CDK7: variants seen among roughly 807,000 people sequenced by gnomAD.
CDK7 encodes cyclin-dependent kinase 7.
CDK7 carries 25 observed loss-of-function variants against 49.1 expected under a neutral mutation model. That is an observed-to-expected ratio of 0.51 (90% confidence interval 0.37 to 0.71). CDK7 has a LOEUF of 0.71. Ranked by LOEUF, CDK7 falls within the 30% of genes least tolerant of loss-of-function variation. CDK7 has a pLI of 0.00. For synonymous variants in CDK7, 107 were observed against 140.0 expected (o/e 0.76, Z 1.67); for missense variants, 316 against 411.7 (o/e 0.77, Z 2.01).
Position 69,266,586 on chromosome 5 carries a change from G to A in CDK7, c.628-2621G>A, listed in dbSNP as rs183391794. The stretch of plus-strand genomic sequence containing the variant: ...TAAGATTCAACACAGGAAAAAGGCA[G>A]TTCAAATTCTCATTTAATAGTGAAG... On this transcript the variant is annotated intron_variant, in intron 8 of 11. Coordinates refer to ENST00000256443, the MANE Select transcript of CDK7 (RefSeq NM_001799.4). Among the ~76,000 whole-genome samples, 200 of 152,142 alleles carry A rather than the reference G, an allele frequency of 1.3e-3. 3 individuals are homozygous for A. Among genetic ancestry groups the A allele is most frequent in the Admixed American group, 0.012 (178 of 15,264 alleles).
chr5:69,261,163 A>G (rs749141855), intron 7 of CDK7, among the ~76,000 whole-genome samples: 5 of 152,116 alleles, frequency 3.3e-5, no homozygotes, highest in Non-Finnish European at 7.4e-5. Context: ...TTCCAAATAG[A>G]TGTCACTGAG....
At chr5:69,255,882 G>T in intron 5 of CDK7, 1 of 226,724 alleles carries the variant, frequency 4.4e-6, no homozygotes, top group Non-Finnish European at 8.9e-6. Context: ...GGAGTGCAAT[G>T]GCGTGATCTC....
At chr5:69,235,563 A>G (rs1321018680) in intron 2 of CDK7, 110 bp downstream of exon 2, 1 of 764,004 alleles carries the variant, frequency 1.3e-6, no homozygotes, top group Admixed American at 2.4e-5. Flanking sequence ...TGAGTTACTC[A>G]TGTCATTTTC....
At chr5:69,255,303 A>T (rs1580303803) in intron 4 of CDK7, among the ~76,000 whole-genome samples, 157 bp from the exon 5 acceptor site, 1 of 152,226 alleles carries the variant, frequency 6.6e-6, no homozygotes, top group African/African-American at 2.4e-5. Context: ...AGTACTGTCC[A>T]AAAAAGGACA....
chr5:69,274,452 T>C (rs1211208983), intron 10 of CDK7, among the ~76,000 whole-genome samples: 1 of 151,996 alleles, frequency 6.6e-6, no homozygotes, highest in African/African-American at 2.4e-5. Flanking sequence ...CTGGGCAACA[T>C]GACAAAACAT....
chr5:69,260,782 G>A (rs938772639), intron 7 of CDK7, among the ~76,000 whole-genome samples: 10 of 152,210 alleles, frequency 6.6e-5, no homozygotes, highest in South Asian at 4.1e-4. Flanking sequence ...TTCCAAGACC[G>A]TTTTAAGGAT....
intron 8 of CDK7, among the ~76,000 whole-genome samples, chr5:69,268,048 A>G (rs1045114841): frequency 6.6e-6 from 1 of 152,070 alleles, no homozygotes; most frequent in Non-Finnish European, 1.5e-5. Context: ...TGCAGCCTCC[A>G]TCTCCCAGTT....
At chr5:69,260,632 CAG>C (rs60290841) in intron 7 of CDK7, among the ~76,000 whole-genome samples, 161 of 152,204 alleles carry the variant, frequency 1.1e-3, no homozygotes, top group African/African-American at 3.7e-3. Context: ...ATTCTCTAAA[CAG>C]AGCAATGTCT....
At chr5:69,236,814 G>C (rs1056152121) in intron 2 of CDK7, among the ~76,000 whole-genome samples, 1 of 151,670 alleles carries the variant, frequency 6.6e-6, no homozygotes, top group Non-Finnish European at 1.5e-5. Flanking sequence ...ACCACGCCCA[G>C]CTAATATTTG....
intron 2 of CDK7, among the ~76,000 whole-genome samples, chr5:69,245,168 T>G (rs1749654344): frequency 6.6e-6 from 1 of 152,060 alleles, no homozygotes; most frequent in Admixed American, 6.6e-5. Context: ...CTGATTTTGG[T>G]ATCAGGGTAA....
At chr5:69,274,453 G>A (rs1190564553) in intron 10 of CDK7, among the ~76,000 whole-genome samples, 2 of 152,090 alleles carry the variant, frequency 1.3e-5, no homozygotes, top group Non-Finnish European at 2.9e-5. Flanking sequence ...TGGGCAACAT[G>A]ACAAAACATC....
At chr5:69,237,781 GTC>G (rs1749101440) in intron 2 of CDK7, among the ~76,000 whole-genome samples, 1 of 151,962 alleles carries the variant, frequency 6.6e-6, no homozygotes, top group African/African-American at 2.4e-5. Context: ...CGAAACCCCT[GTC>G]TCTACTAAAA....
intron 8 of CDK7, among the ~76,000 whole-genome samples, chr5:69,266,477 T>C (rs926992481): frequency 2.0e-4 from 31 of 152,038 alleles, no homozygotes; most frequent in African/African-American, 6.0e-4. Flanking sequence ...TAATCCCAGC[T>C]ACTCGGGAAG....
At chr5:69,246,100 G>T (rs182350665) in intron 2 of CDK7, among the ~76,000 whole-genome samples, 1 of 152,132 alleles carries the variant, frequency 6.6e-6, no homozygotes, top group Admixed American at 6.6e-5. Context: ...TGGCAGGAGA[G>T]ATTTTTTTTT....
intron 2 of CDK7, among the ~76,000 whole-genome samples, chr5:69,249,623 G>C (rs1750007227): frequency 6.6e-6 from 1 of 152,128 alleles, no homozygotes; most frequent in African/African-American, 2.4e-5. Flanking sequence ...CACGGTGGGT[G>C]GATCATTTAG....
At chr5:69,235,499 T>C (rs1748908032) in intron 2 of CDK7, 46 bp downstream of exon 2, 2 of 1,263,184 alleles carry the variant, frequency 1.6e-6, no homozygotes, top group African/African-American at 3.0e-5. Flanking sequence ...TGAAGATGTC[T>C]GTATTATTAA....
chr5:69,270,192 T>G (rs984857058), intron 9 of CDK7, among the ~76,000 whole-genome samples: 1 of 152,146 alleles, frequency 6.6e-6, no homozygotes, highest in Non-Finnish European at 1.5e-5. Flanking sequence ...TCCCAGCACT[T>G]TGGGAGACTG....
At chr5:69,251,616 T>A (rs1750151157) in intron 2 of CDK7, among the ~76,000 whole-genome samples, 1 of 152,046 alleles carries the variant, frequency 6.6e-6, no homozygotes, top group African/African-American at 2.4e-5. Flanking sequence ...CATGGCTCAC[T>A]GTAGCCTGGG....
intron 6 of CDK7, among the ~76,000 whole-genome samples, chr5:69,258,375 CATT>C (rs1405461825): frequency 1.6e-5 from 2 of 127,620 alleles, no homozygotes; most frequent in Non-Finnish European, 3.2e-5. Flanking sequence ...TCCAGTCCCT[CATT>C]TTTTTTTTTT....
Sources: gnomAD v4.1 joint callset for allele counts (sites outside exome capture counted in the v4.1 genomes callset) on GRCh38, gnomAD v4.1.1 for gene constraint, MANE v1.5 for transcripts, NCBI Gene and HGNC (gene_info 2026-07-23, HGNC 2026-07-21) for gene names.